CSMD3: variants seen among roughly 807,000 people sequenced by gnomAD.
The protein encoded by CSMD3 is CUB and Sushi multiple domains 3, also known as CUB and sushi domain-containing protein 3.
A neutral mutation model predicts 435.2 loss-of-function variants in CSMD3; 177 were observed. The observed-to-expected ratio is 0.41, with a 90% CI of 0.36 to 0.46. The LOEUF (loss-of-function observed/expected upper bound fraction) is 0.46. Ranked by LOEUF, CSMD3 falls within the 20% of genes least tolerant of loss-of-function variation. The pLI is 0.34. For missense variants in CSMD3, 4,265 were observed against 4,504.6 expected (o/e 0.95, Z 1.52); for synonymous variants, 1,656 against 1,520.5 (o/e 1.09, Z -2.07).
At chr8:113,071,025 G>A in intron 5 of CSMD3, among the ~76,000 whole-genome samples, 1 of 151,836 alleles carries the variant, frequency 6.6e-6, no homozygotes, top group Non-Finnish European at 1.5e-5. Context: ...CAGATGTGAG[G>A]TCATATCTTA....
chr8:112,930,548 T>C (rs1386728826), intron 9 of CSMD3, among the ~76,000 whole-genome samples: 1 of 152,040 alleles, frequency 6.6e-6, no homozygotes, highest in Non-Finnish European at 1.5e-5. Flanking sequence ...TGATGCACAA[T>C]GTTATAAATT....
chr8:113,393,722 T>C (rs2094471273), intron 1 of CSMD3, among the ~76,000 whole-genome samples: 1 of 152,072 alleles, frequency 6.6e-6, no homozygotes, highest in South Asian at 2.1e-4. Flanking sequence ...ATAACAAAAA[T>C]AGTTTTATTT....
At chr8:113,080,395 A>C (rs2089512312) in intron 5 of CSMD3, among the ~76,000 whole-genome samples, 1 of 152,190 alleles carries the variant, frequency 6.6e-6, no homozygotes, top group African/African-American at 2.4e-5. Flanking sequence ...TAATTATTTC[A>C]ATTCATAAAT....
rs1228263116 is a variant in CSMD3 at position 113,222,238 on chromosome 8, A to C, written c.515-48322T>G. 2.6e-5 allele frequency among the ~76,000 whole-genome samples: 4 copies of C among 151,290 alleles called. No individual in the cohort carries two copies. The South Asian group carries it at 8.3e-4, about 31-fold the overall frequency. ...CTGTTATTTTTCCTAATAAATACTTAAATTTAACCAAAAATTTTCATTGGA... is the reference window on the plus strand; with the variant it reads ...CTGTTATTTTTCCTAATAAATACTTCAATTTAACCAAAAATTTTCATTGGA... On this transcript the variant is annotated intron_variant, in intron 3 of 70. Transcript: ENST00000297405.
intron 1 of CSMD3, among the ~76,000 whole-genome samples, chr8:113,355,224 T>C (rs1419361892): frequency 2.6e-5 from 4 of 152,170 alleles, no homozygotes; most frequent in Admixed American, 6.5e-5. Flanking sequence ...TGTGGGTATA[T>C]ATATAAACAT....
intron 13 of CSMD3, among the ~76,000 whole-genome samples, chr8:112,715,889 C>G (rs1212663088): frequency 6.6e-6 from 1 of 151,780 alleles, no homozygotes; most frequent in Non-Finnish European, 1.5e-5. Flanking sequence ...AATTGTTAAA[C>G]GTTTTTGATA....
chr8:113,184,083 G>A (rs1238078150), intron 3 of CSMD3, among the ~76,000 whole-genome samples: 2 of 151,832 alleles, frequency 1.3e-5, no homozygotes, highest in African/African-American at 2.4e-5. Context: ...TTTTCACTAG[G>A]GAGACTCACA....
chr8:113,030,852 G>A (rs887672924), intron 5 of CSMD3, among the ~76,000 whole-genome samples: 1 of 151,298 alleles, frequency 6.6e-6, no homozygotes, highest in Non-Finnish European at 1.5e-5. Context: ...AAAATAAGAG[G>A]AAACTTGAAC....
chr8:112,395,256 C>T (rs1235369740), intron 35 of CSMD3, among the ~76,000 whole-genome samples: 1 of 151,954 alleles, frequency 6.6e-6, no homozygotes. Context: ...TTATCTAAAC[C>T]AAGAGGTTTT....
At chr8:112,355,988 G>A (rs753723771) in intron 38 of CSMD3, among the ~76,000 whole-genome samples, 8 of 152,058 alleles carry the variant, frequency 5.3e-5, no homozygotes, top group African/African-American at 9.7e-5. Flanking sequence ...GTAAGATACC[G>A]TCCCACACTA....
At chr8:113,116,994 G>A (rs1180338497) in intron 4 of CSMD3, among the ~76,000 whole-genome samples, 4 of 152,176 alleles carry the variant, frequency 2.6e-5, no homozygotes, top group South Asian at 2.1e-4. Context: ...CGGCATAAAA[G>A]TTTGGAAAAT....
At chr8:112,355,471 T>C (rs1401851419) in intron 38 of CSMD3, among the ~76,000 whole-genome samples, 1 of 152,184 alleles carries the variant, frequency 6.6e-6, no homozygotes, top group African/African-American at 2.4e-5. Context: ...GCTATGCATC[T>C]GACAAAGCTC....
At chr8:112,857,481 A>C (rs928092230) in intron 11 of CSMD3, among the ~76,000 whole-genome samples, 1 of 151,786 alleles carries the variant, frequency 6.6e-6, no homozygotes, top group Non-Finnish European at 1.5e-5. Context: ...TGTAATTGCG[A>C]AGACAAAACA....
chr8:113,229,065 A>T (rs1402941), intron 3 of CSMD3, among the ~76,000 whole-genome samples: 3,235 of 151,692 alleles, frequency 0.021, 134 homozygotes, highest in African/African-American at 0.074. Context: ...TTAGTCTTGC[A>T]TGGGGTATCT....
At chr8:112,299,361 G>A (rs1237341645) in intron 53 of CSMD3, among the ~76,000 whole-genome samples, 1 of 152,038 alleles carries the variant, frequency 6.6e-6, no homozygotes, top group South Asian at 2.1e-4. Context: ...AAATTTTGCC[G>A]AGTTTAAAAA....
chr8:112,996,299 C>T (rs2085651123), intron 6 of CSMD3, among the ~76,000 whole-genome samples: 1 of 151,528 alleles, frequency 6.6e-6, no homozygotes. Flanking sequence ...TTACTCTCGA[C>T]TTCTATGAGT....
chr8:113,236,851 A>G (rs112316090), intron 3 of CSMD3, among the ~76,000 whole-genome samples: 16 of 152,160 alleles, frequency 1.1e-4, no homozygotes, highest in African/African-American at 3.9e-4. Context: ...CTACCTATTC[A>G]ACTATCTATC....
At chr8:112,950,458 A>G (rs934208164) in intron 8 of CSMD3, among the ~76,000 whole-genome samples, 1 of 151,998 alleles carries the variant, frequency 6.6e-6, no homozygotes, top group Non-Finnish European at 1.5e-5. Flanking sequence ...ACATTATTAG[A>G]AAATAGAAAT....
At chr8:112,511,384 C>CTTTTTTTTTTTT (rs34548150) in intron 28 of CSMD3, among the ~76,000 whole-genome samples, 4 of 72,402 alleles carry the variant, frequency 5.5e-5, no homozygotes, top group African/African-American at 6.1e-5. Flanking sequence ...ATTTTCTTTT[C>CTTTTTTTTTTTT]TTTTTTTTTT....
Sources: gnomAD v4.1 joint callset for allele counts (sites outside exome capture counted in the v4.1 genomes callset) on GRCh38, gnomAD v4.1.1 for gene constraint, MANE v1.5 for transcripts, NCBI Gene and HGNC (gene_info 2026-07-23, HGNC 2026-07-21) for gene names.